SLC38A4: variants seen among roughly 807,000 people sequenced by gnomAD.
SLC38A4 encodes sodium-coupled neutral amino acid transporter 4.
SLC38A4 carries 20 observed loss-of-function variants against 63.1 expected under a neutral mutation model. The ratio of observed to expected loss-of-function variants is 0.32; its 90% confidence interval spans 0.22 to 0.46. The LOEUF (loss-of-function observed/expected upper bound fraction) is 0.46, where lower values mean the gene tolerates loss of function less well. SLC38A4 is among the 20% of genes least tolerant of loss of function. The probability of loss-of-function intolerance (pLI) is 1.00; values close to 1 mark genes in which losing one functional copy is unlikely to be tolerated. For missense variants in SLC38A4, 526 were observed against 663.6 expected (o/e 0.79, Z 2.28); for synonymous variants, 230 against 225.5 (o/e 1.02, Z -0.18).
At chr12:46,795,558 T>C (rs1413644655) in intron 2 of SLC38A4, among the ~76,000 whole-genome samples, 2 of 152,146 alleles carry the variant, frequency 1.3e-5, no homozygotes, top group African/African-American at 4.8e-5. Context: ...TGAACGGCAT[T>C]CTATCTTCTT....
At chr12:46,780,166 T>A in intron 7 of SLC38A4, 136 bp from the exon 8 acceptor site, 1 of 663,976 alleles carries the variant, frequency 1.5e-6, no homozygotes, top group South Asian at 1.8e-5. Flanking sequence ...TATTTGGCAC[T>A]GCTTCCAAGT....
chr12:46,800,893 T>C (rs1188376056), intron 2 of SLC38A4, among the ~76,000 whole-genome samples: 1 of 152,160 alleles, frequency 6.6e-6, no homozygotes, highest in African/African-American at 2.4e-5. Context: ...CAAAATGAAA[T>C]GAAAATTCTC....
chr12:46,812,127 T>C (rs1349721943), intron 1 of SLC38A4, among the ~76,000 whole-genome samples: 1 of 152,078 alleles, frequency 6.6e-6, no homozygotes, highest in African/African-American at 2.4e-5. Context: ...TAATTATTTC[T>C]TAATAGGGTC....
chr12:46,781,408 T>C (rs1190277899), intron 7 of SLC38A4, among the ~76,000 whole-genome samples: 1 of 152,058 alleles, frequency 6.6e-6, no homozygotes, highest in Non-Finnish European at 1.5e-5. Flanking sequence ...GCTGGCTTGG[T>C]GAGGTACCAT....
chr12:46,819,950 G>A (rs907360016), intron 1 of SLC38A4, among the ~76,000 whole-genome samples: 3 of 151,878 alleles, frequency 2.0e-5, no homozygotes, highest in African/African-American at 7.2e-5. Context: ...GAGGCACTCT[G>A]AAACATTGAA....
At chr12:46,777,060 T>C in intron 12 of SLC38A4, 56 bp from the exon 13 acceptor site, 1 of 1,396,078 alleles carries the variant, frequency 7.2e-7, no homozygotes, top group South Asian at 1.2e-5. Flanking sequence ...AAAAAATCAC[T>C]TTTCAAAATG....
chr12:46,789,444 G>A (rs1021920601), intron 3 of SLC38A4, among the ~76,000 whole-genome samples: 1 of 152,156 alleles, frequency 6.6e-6, no homozygotes, highest in Non-Finnish European at 1.5e-5. Context: ...ACTATCCACA[G>A]AGCGTTGTGA....
Position 46,765,449 on chromosome 12 carries a change from T to G in SLC38A4, c.*1252A>C, listed in dbSNP as rs1378046233. On this transcript the variant is annotated 3_prime_UTR_variant, in exon 17 of 17. Transcript: ENST00000266579. ...GATATGCTAAATTAAAAGAACAACT[T>G]TAGTATGATAAAAATTTGCAAAAAG... 1.6e-5 allele frequency: 6 copies of G among 372,570 alleles called. No homozygotes were observed. Among genetic ancestry groups the G allele is most frequent in the Non-Finnish European group, 3.1e-5 (6 of 194,380 alleles). 23.1% of individuals were successfully genotyped at this position (372,570 alleles called of 1,614,324 possible).
intron 3 of SLC38A4, among the ~76,000 whole-genome samples, 167 bp from the exon 4 acceptor site, chr12:46,788,785 T>A (rs1182298992): frequency 6.6e-6 from 1 of 152,182 alleles, no homozygotes; most frequent in South Asian, 2.1e-4. Flanking sequence ...CCAACAATTT[T>A]GAGTTCCATT....
At chr12:46,782,791 A>G (rs896720943) in intron 7 of SLC38A4, among the ~76,000 whole-genome samples, 1 of 150,884 alleles carries the variant, frequency 6.6e-6, no homozygotes, top group African/African-American at 2.4e-5. Flanking sequence ...TACATGAAAA[A>G]ATTAGACAAA....
chr12:46,768,578 T>C (rs1256349240), intron 15 of SLC38A4, among the ~76,000 whole-genome samples, 171 bp from the exon 16 acceptor site: 2 of 152,126 alleles, frequency 1.3e-5, no homozygotes, highest in East Asian at 1.9e-4. Context: ...ATAGAAGATA[T>C]GTTTATAGAG....
intron 14 of SLC38A4, among the ~76,000 whole-genome samples, chr12:46,770,323 T>G (rs973723990): frequency 6.6e-6 from 1 of 151,028 alleles, no homozygotes; most frequent in East Asian, 1.9e-4. Context: ...ATTTTAAAAT[T>G]TTGACGTTTT....
chr12:46,786,211 T>C (rs944908381), intron 5 of SLC38A4, among the ~76,000 whole-genome samples: 4 of 152,268 alleles, frequency 2.6e-5, no homozygotes, highest in African/African-American at 9.6e-5. Flanking sequence ...TATAATTTTG[T>C]TCCCTGGAAA....
At chr12:46,786,699 A>C (rs12305532) in intron 5 of SLC38A4, among the ~76,000 whole-genome samples, 19,664 of 152,172 alleles carry the variant, frequency 0.13, 1,996 homozygotes, top group African/African-American at 0.28. Flanking sequence ...AACATGGCTT[A>C]TATAAAAGTA....
chr12:46,829,321 T>G (rs1407604246), upstream of SLC38A4, among the ~76,000 whole-genome samples: 1 of 152,198 alleles, frequency 6.6e-6, no homozygotes, highest in Admixed American at 6.5e-5. Flanking sequence ...TGATTTCAAT[T>G]GATAGGTGGA....
intron 4 of SLC38A4, 51 bp from the exon 5 acceptor site, chr12:46,788,082 C>A: frequency 2.2e-6 from 3 of 1,350,790 alleles, no homozygotes; most frequent in Non-Finnish European, 3.2e-6. Context: ...AAGGGCATAC[C>A]TTTAGGGGTT....
intron 1 of SLC38A4, among the ~76,000 whole-genome samples, chr12:46,817,610 T>A (rs1939466505): frequency 6.6e-6 from 1 of 151,930 alleles, no homozygotes; most frequent in South Asian, 2.1e-4. Flanking sequence ...AGGCCTTACC[T>A]GAAGCCCCAG....
chr12:46,786,816 A>G (rs746827518), intron 5 of SLC38A4, among the ~76,000 whole-genome samples: 1 of 152,202 alleles, frequency 6.6e-6, no homozygotes, highest in Non-Finnish European at 1.5e-5. Flanking sequence ...TAGCCCTCAA[A>G]TAGCTGTGTG....
chr12:46,827,534 T>C (rs1478939301), upstream of SLC38A4, among the ~76,000 whole-genome samples: 1 of 152,222 alleles, frequency 6.6e-6, no homozygotes, highest in East Asian at 1.9e-4. Context: ...ATAGCATTTG[T>C]TACTGTCATT....
Sources: gnomAD v4.1 joint callset for allele counts (sites outside exome capture counted in the v4.1 genomes callset) on GRCh38, gnomAD v4.1.1 for gene constraint, MANE v1.5 for transcripts, NCBI Gene and HGNC (gene_info 2026-07-23, HGNC 2026-07-21) for gene names.